Variants in DLGAP2 observed in about 807,000 individuals in gnomAD.
DLGAP2 encodes DLG associated protein 2, also known as disks large-associated protein 2.
A neutral mutation model predicts 100.3 loss-of-function variants in DLGAP2; 26 were observed. The ratio of observed to expected loss-of-function variants is 0.26; its 90% CI spans 0.19 to 0.36. DLGAP2 has a LOEUF of 0.36. Ranked by LOEUF, DLGAP2 falls within the 10% of genes least tolerant of loss-of-function variation. DLGAP2 has a pLI of 1.00. For synonymous variants in DLGAP2, 886 were observed against 630.1 expected (o/e 1.41, Z -6.08); for missense variants, 1,858 against 1,453.2 (o/e 1.28, Z -4.53).
chr8:1,437,693 G>T (rs1319401853), intron 3 of DLGAP2, among the ~76,000 whole-genome samples: 1 of 151,408 alleles, frequency 6.6e-6, no homozygotes. Flanking sequence ...AATATCACCG[G>T]CCGGTGGCTC....
At chr8:1,677,087 G>A (rs1009482218) in intron 11 of DLGAP2, among the ~76,000 whole-genome samples, 3 of 152,158 alleles carry the variant, frequency 2.0e-5, no homozygotes, top group Admixed American at 6.5e-5. Context: ...TTGTAACAAG[G>A]CAGGACGATC....
At chr8:1,555,138 T>C (rs1315411711) in intron 5 of DLGAP2, among the ~76,000 whole-genome samples, 1 of 152,030 alleles carries the variant, frequency 6.6e-6, no homozygotes, top group South Asian at 2.1e-4. Flanking sequence ...TCCAATCCCG[T>C]AGTGGAATAG....
chr8:1,003,643 T>A (rs1163291696), intron 2 of DLGAP2, among the ~76,000 whole-genome samples: 1 of 152,216 alleles, frequency 6.6e-6, no homozygotes, highest in Non-Finnish European at 1.5e-5. Context: ...GAGCTGGGGC[T>A]GAGCATCTGG....
chr8:1,671,140 G>C (rs1380874857), intron 10 of DLGAP2, among the ~76,000 whole-genome samples: 2 of 152,246 alleles, frequency 1.3e-5, no homozygotes, highest in African/African-American at 4.8e-5. Context: ...AAGGCCATGA[G>C]TGAAGGCAGC....
chr8:1,660,382 C>G (rs916692528), intron 8 of DLGAP2, among the ~76,000 whole-genome samples: 1 of 152,140 alleles, frequency 6.6e-6, no homozygotes, highest in Admixed American at 6.5e-5. Flanking sequence ...CTGCTATAAA[C>G]AATCCATTCA....
At chr8:1,694,179 A>G (rs566395075) in intron 13 of DLGAP2, among the ~76,000 whole-genome samples, 6 of 152,210 alleles carry the variant, frequency 3.9e-5, no homozygotes, top group Non-Finnish European at 7.3e-5. Context: ...ACTTCTATTC[A>G]GGATTAGTAG....
intron 1 of DLGAP2, among the ~76,000 whole-genome samples, chr8:886,792 G>C (rs569918127): frequency 6.6e-6 from 1 of 152,206 alleles, no homozygotes; most frequent in Non-Finnish European, 1.5e-5. Context: ...TTCCAATTAC[G>C]TGGCTGATTT....
intron 2 of DLGAP2, among the ~76,000 whole-genome samples, chr8:1,023,489 C>T (rs974354770): frequency 6.6e-6 from 1 of 152,174 alleles, no homozygotes; most frequent in Non-Finnish European, 1.5e-5. Context: ...CACCGCAGCA[C>T]CTGGCTGGAG....
At chr8:1,620,870 C>A (rs1443625262) in intron 6 of DLGAP2, among the ~76,000 whole-genome samples, 2 of 152,232 alleles carry the variant, frequency 1.3e-5, no homozygotes, top group Admixed American at 6.5e-5. Context: ...AAACATCAAG[C>A]TGTCTGGGGT....
At chr8:1,326,535 C>G (rs1229445008) in intron 3 of DLGAP2, among the ~76,000 whole-genome samples, 2 of 151,824 alleles carry the variant, frequency 1.3e-5, no homozygotes, top group Admixed American at 6.6e-5. Context: ...TCGGTCCGGT[C>G]CTGTCTTTCA....
chr8:931,647 C>A lies in DLGAP2; in HGVS notation c.73+23681C>A, dbSNP rs906737670. ...TTTGTTCTCTGGAACCCTTGCCAGCCCATTCTGAGTTTCTGATTAAAGCCC... is the reference window on the plus strand; with the variant it reads ...TTTGTTCTCTGGAACCCTTGCCAGCACATTCTGAGTTTCTGATTAAAGCCC... On this transcript the variant is annotated intron_variant, in intron 2 of 14. Coordinates refer to ENST00000637795, the MANE Select transcript of DLGAP2 (RefSeq NM_001346810.2). Among the ~76,000 whole-genome samples the A allele has an allele frequency of 2.0e-5, 3 of 152,206 alleles. No individual in the cohort carries two copies. In the South Asian group the frequency reaches 6.2e-4, roughly 31 times the overall value.
intron 2 of DLGAP2, among the ~76,000 whole-genome samples, chr8:1,162,163 G>T (rs1429793136): frequency 6.6e-6 from 1 of 152,240 alleles, no homozygotes; most frequent in Non-Finnish European, 1.5e-5. Flanking sequence ...CGGCAGCAGG[G>T]GCGGCCAGTG....
At chr8:889,860 G>A (rs904957266) in intron 1 of DLGAP2, among the ~76,000 whole-genome samples, 1 of 152,222 alleles carries the variant, frequency 6.6e-6, no homozygotes, top group Non-Finnish European at 1.5e-5. Context: ...TTCACGTTCC[G>A]GGGCTGGAAC....
chr8:1,114,976 G>A (rs1436239872), intron 2 of DLGAP2, among the ~76,000 whole-genome samples: 1 of 152,174 alleles, frequency 6.6e-6, no homozygotes, highest in African/African-American at 2.4e-5. Flanking sequence ...GGAGGATGTT[G>A]TGTAATTTCC....
chr8:1,071,415 T>C (rs1321474197), intron 2 of DLGAP2, among the ~76,000 whole-genome samples: 1 of 152,082 alleles, frequency 6.6e-6, no homozygotes, highest in East Asian at 1.9e-4. Flanking sequence ...TGATGTGCAG[T>C]CTCTCCTGGG....
intron 2 of DLGAP2, among the ~76,000 whole-genome samples, chr8:947,669 T>C (rs1205608988): frequency 6.6e-6 from 1 of 152,180 alleles, no homozygotes; most frequent in Admixed American, 6.5e-5. Flanking sequence ...GGCCGGGCCA[T>C]CCTGTCCTGG....
intron 2 of DLGAP2, among the ~76,000 whole-genome samples, chr8:915,434 C>T (rs1798570642): frequency 6.6e-6 from 1 of 152,114 alleles, no homozygotes; most frequent in Admixed American, 6.5e-5. Context: ...GTAGTCCTAG[C>T]TACTCGGGAG....
chr8:809,743 C>T (rs1422987515), intron 1 of DLGAP2, among the ~76,000 whole-genome samples: 3 of 152,178 alleles, frequency 2.0e-5, no homozygotes, highest in Non-Finnish European at 4.4e-5. Context: ...CTCCCCTGGC[C>T]TTGGAGAGAG....
At chr8:1,156,192 C>T (rs899573754) in intron 2 of DLGAP2, among the ~76,000 whole-genome samples, 1 of 152,166 alleles carries the variant, frequency 6.6e-6, no homozygotes, top group Admixed American at 6.5e-5. Context: ...AGCTCTCAGA[C>T]CCTCCCTCTG....
Sources: allele counts gnomAD v4.1 joint callset (sites outside exome capture counted in the v4.1 genomes callset), GRCh38; gene constraint gnomAD v4.1.1; transcripts MANE v1.5; gene names NCBI Gene and HGNC (gene_info 2026-07-23, HGNC 2026-07-21).